Variants in USP25 observed in about 807,000 individuals in gnomAD.
The protein encoded by USP25 is ubiquitin specific peptidase 25.
In USP25, 85 loss-of-function variants were observed where a neutral mutation model predicts 158.5. That is an observed-to-expected ratio of 0.54 (90% CI 0.45 to 0.64). The LOEUF is 0.64. Ranked by LOEUF, USP25 falls within the 30% of genes least tolerant of loss-of-function variation. The probability of loss-of-function intolerance (pLI) is 0.00; values close to 1 mark genes in which losing one functional copy is unlikely to be tolerated. For missense variants in USP25, 1,242 were observed against 1,327.3 expected (o/e 0.94, Z 1.00); for synonymous variants, 464 against 460.4 (o/e 1.01, Z -0.10).
intron 21 of USP25, among the ~76,000 whole-genome samples, chr21:15,865,369 A>G (rs1601173695): frequency 6.6e-6 from 1 of 152,184 alleles, no homozygotes; most frequent in South Asian, 2.1e-4. Flanking sequence ...AAAAGTGTAT[A>G]GCAAAGAATA....
chr21:15,802,379 A>G lies in USP25; in HGVS notation c.642+2536A>G, dbSNP rs114489815. ...AGATTTCTGCCATTAGTCATGAAGAAGTAACAGGAGCTGGATTTATAAGTC... is the reference window on the plus strand; with the variant it reads ...AGATTTCTGCCATTAGTCATGAAGAGGTAACAGGAGCTGGATTTATAAGTC... On this transcript the variant is annotated intron_variant, in intron 6 of 25. Transcript: ENST00000400183. Among the ~76,000 whole-genome samples the G allele has an allele frequency of 9.5e-3, 1,440 of 151,708 alleles. 20 individuals carry two copies. The highest frequency in any genetic ancestry group is 0.033 in the African/African-American group (1,371 of 41,500).
At chr21:15,859,539 G>A (rs1045509975) in intron 20 of USP25, among the ~76,000 whole-genome samples, 2 of 152,108 alleles carry the variant, frequency 1.3e-5, no homozygotes, top group Non-Finnish European at 2.9e-5. Flanking sequence ...AGATATCACA[G>A]AAATTATCTG....
intron 20 of USP25, among the ~76,000 whole-genome samples, chr21:15,857,110 G>C (rs994977299): frequency 2.6e-5 from 4 of 152,122 alleles, no homozygotes; most frequent in African/African-American, 9.7e-5. Flanking sequence ...TAATAATTGT[G>C]ACCTCAGGCA....
intron 20 of USP25, among the ~76,000 whole-genome samples, chr21:15,853,917 G>A (rs1281294524): frequency 1.3e-5 from 2 of 151,378 alleles, no homozygotes; most frequent in Non-Finnish European, 2.9e-5. Flanking sequence ...CATTTTTTTG[G>A]TTCATTCCAT....
At chr21:15,789,884 A>G (rs956223784) in intron 4 of USP25, among the ~76,000 whole-genome samples, 3 of 152,098 alleles carry the variant, frequency 2.0e-5, no homozygotes, top group African/African-American at 7.2e-5. Context: ...AGTCTTTTGT[A>G]TTACAGTTAC....
intron 8 of USP25, among the ~76,000 whole-genome samples, chr21:15,810,282 C>G (rs1282693642): frequency 6.6e-6 from 1 of 151,996 alleles, no homozygotes; most frequent in Non-Finnish European, 1.5e-5. Flanking sequence ...CAACATTATT[C>G]TAAGGATTAA....
chr21:15,730,371 C>CCGG lies in USP25; in HGVS notation c.-21_-20insGCG, dbSNP rs953244766. The stretch of plus-strand genomic sequence containing the variant: ...GAGGAGCCGGGCGCCACCGCCGCCG[C>CCGG]CGCCGCCGCCGCCGCGGGGGCCATG... On this transcript the variant is annotated 5_prime_UTR_variant, in exon 1 of 26. Transcript: ENST00000400183. 2.7e-5 allele frequency: 33 copies of CCGG among 1,221,920 alleles called. No homozygotes were observed. Among genetic ancestry groups the CCGG allele is most frequent in the Non-Finnish European group, 3.4e-5 (33 of 978,508 alleles). The allele number at this position is 1,221,920 out of a possible 1,614,324, so 75.7% of individuals were successfully genotyped here.
intron 20 of USP25, among the ~76,000 whole-genome samples, chr21:15,853,322 C>T (rs1339759909): frequency 1.3e-5 from 2 of 152,040 alleles, no homozygotes; most frequent in South Asian, 2.1e-4. Context: ...CACACATGTA[C>T]ACGCACACGT....
At chr21:15,854,303 A>T (rs1305472902) in intron 20 of USP25, among the ~76,000 whole-genome samples, 11 of 151,690 alleles carry the variant, frequency 7.3e-5, no homozygotes, top group Admixed American at 7.2e-4. Context: ...CCGCCACCAC[A>T]CCCAGGTAAT....
At chr21:15,870,183 T>G (rs2039825961) in intron 23 of USP25, 36 bp downstream of exon 23, 2 of 1,495,946 alleles carry the variant, frequency 1.3e-6, no homozygotes, top group Admixed American at 3.6e-5. Context: ...AAGAGCATAA[T>G]TTTTGCACTT....
At chr21:15,797,577 C>T (rs891978561) in intron 5 of USP25, among the ~76,000 whole-genome samples, 2 of 151,276 alleles carry the variant, frequency 1.3e-5, no homozygotes, top group African/African-American at 4.8e-5. Flanking sequence ...CACCAGCACA[C>T]CCACACCAAA....
chr21:15,878,409 T>G lies in USP25; in HGVS notation c.3312T>G (p.His1104Gln). Reference protein sequence around the residue: ...EPPKLPSYSTHELCERFARIM... With the variant: ...EPPKLPSYSTQELCERFARIM... The stretch of plus-strand genomic sequence containing the variant: ...CGAAGTTACCTTCATATTCCACGCA[T>G]GAACTCTGTGAGCGATTTGCCCGAA... The change falls in exon 26 of 26, where the codon CAT becomes CAG. Residue 1104 changes from histidine to glutamine, a missense_variant. Coordinates refer to ENST00000400183, the MANE Select transcript of USP25 (RefSeq NM_001283041.3). 3 of 1,614,100 alleles carry G rather than the reference T, an allele frequency of 1.9e-6. No homozygotes were observed. The highest frequency in any genetic ancestry group is 1.7e-6 in the Non-Finnish European group (2 of 1,179,952).
intron 1 of USP25, among the ~76,000 whole-genome samples, chr21:15,750,908 G>A (rs9680173): frequency 1.3e-3 from 195 of 152,268 alleles, no homozygotes; most frequent in Non-Finnish European, 2.3e-3. Context: ...ATGAGCCACC[G>A]CGCCTGGCCC....
chr21:15,868,481 A>C (rs1360764500), intron 22 of USP25, among the ~76,000 whole-genome samples: 2 of 151,748 alleles, frequency 1.3e-5, no homozygotes. Flanking sequence ...AACAGATTGG[A>C]CTCATTATGT....
chr21:15,764,403 G>A (rs2033915166), intron 2 of USP25, among the ~76,000 whole-genome samples: 1 of 151,492 alleles, frequency 6.6e-6, no homozygotes, highest in Non-Finnish European at 1.5e-5. Context: ...TGTGAGCATA[G>A]GTATTTTTAA....
At chr21:15,796,086 T>G (rs764351926) in intron 5 of USP25, among the ~76,000 whole-genome samples, 1 of 151,570 alleles carries the variant, frequency 6.6e-6, no homozygotes, top group Non-Finnish European at 1.5e-5. Context: ...AATTCACATA[T>G]TAGCTTTGGA....
chr21:15,732,576 A>G (rs1407609556), intron 1 of USP25, among the ~76,000 whole-genome samples: 2 of 152,332 alleles, frequency 1.3e-5, no homozygotes, highest in East Asian at 1.9e-4. Context: ...AGAGGTGTGT[A>G]GTGTATATTG....
intron 14 of USP25, among the ~76,000 whole-genome samples, chr21:15,829,706 T>C (rs1021664364): frequency 6.6e-6 from 1 of 152,204 alleles, no homozygotes; most frequent in Non-Finnish European, 1.5e-5. Flanking sequence ...TTACCTATAA[T>C]ATCACATATG....
Position 15,747,399 on chromosome 21 carries a change from G to C in USP25, c.46-15492G>C, listed in dbSNP as rs542393357. ...ATGGTTCAGTACTATATAGAATATA[G>C]TATATATAGTTTTTTCTTATCTATA... is the stretch of plus-strand genomic sequence containing the variant. On this transcript the variant is annotated intron_variant, in intron 1 of 25. Coordinates refer to ENST00000400183, the MANE Select transcript of USP25 (RefSeq NM_001283041.3). 2.3e-3 allele frequency among the ~76,000 whole-genome samples: 353 copies of C among 151,534 alleles called. 3 individuals are homozygous for C. Among genetic ancestry groups the C allele is most frequent in the African/African-American group, 8.0e-3 (332 of 41,370 alleles).
Sources: gnomAD v4.1 joint callset for allele counts (sites outside exome capture counted in the v4.1 genomes callset) on GRCh38, gnomAD v4.1.1 for gene constraint, MANE v1.5 for transcripts, NCBI Gene and HGNC (gene_info 2026-07-23, HGNC 2026-07-21) for gene names.